The following KCNH1 variants were observed in gnomAD, a reference collection of about 807,000 sequenced individuals.
KCNH1 encodes the protein voltage-gated delayed rectifier potassium channel KCNH1.
Under a neutral mutation model 69.2 loss-of-function variants are expected in KCNH1, and 27 were observed. The observed-to-expected ratio is 0.39, with a 90% CI of 0.29 to 0.54. The LOEUF (loss-of-function observed/expected upper bound fraction) is 0.54. Among genes scored for constraint, KCNH1 ranks in the 20% least tolerant of loss-of-function variants. KCNH1 has a pLI of 0.68. For synonymous variants in KCNH1, 456 were observed against 487.7 expected (o/e 0.93, Z 0.86); for missense variants, 798 against 1,261.6 (o/e 0.63, Z 5.57).
chr1:210,753,909 A>ATT (rs397982788), intron 10 of KCNH1, among the ~76,000 whole-genome samples: 127 of 140,924 alleles, frequency 9.0e-4, no homozygotes, highest in Non-Finnish European at 1.3e-3. Flanking sequence ...TATCAGACTA[A>ATT]TTTTTTTTTT....
In KCNH1 at chr1:211,125,239, C is replaced by A. The variant is rs139133646; in HGVS notation, c.79+8628G>T. On this transcript the variant is annotated intron_variant, in intron 1 of 10. Coordinates refer to ENST00000271751, the MANE Select transcript of KCNH1 (RefSeq NM_172362.3). ...AGCCAAAAGCCAGAAAGCAAGGGAG[C>A]CTACAGGTGTACTCTATACAGGTCA... is the stretch of plus-strand genomic sequence containing the variant. Among the ~76,000 whole-genome samples the A allele has an allele frequency of 4.0e-4, 61 of 152,274 alleles. No individual in the cohort carries two copies. In the East Asian group the frequency reaches 0.012, roughly 29 times the overall value.
chr1:210,753,909 ATT>A (rs397982788), intron 10 of KCNH1, among the ~76,000 whole-genome samples: 9,789 of 140,834 alleles, frequency 0.07, 344 homozygotes, highest in Admixed American at 0.1. Flanking sequence ...TATCAGACTA[ATT>A]TTTTTTTTTT....
At chr1:210,729,358 A>C (rs1682686410) in intron 10 of KCNH1, among the ~76,000 whole-genome samples, 1 of 152,370 alleles carries the variant, frequency 6.6e-6, no homozygotes, top group East Asian at 1.9e-4. Context: ...TTCAAAACCA[A>C]AGGGAAGCTT....
At chr1:210,792,057 T>C (rs1684222332) in intron 9 of KCNH1, among the ~76,000 whole-genome samples, 1 of 152,212 alleles carries the variant, frequency 6.6e-6, no homozygotes, top group Non-Finnish European at 1.5e-5. Context: ...ATCTTCCCCA[T>C]GGCTCTTCCC....
chr1:210,718,022 G>A (rs9651108), intron 10 of KCNH1, among the ~76,000 whole-genome samples: 24,938 of 151,670 alleles, frequency 0.16, 2,688 homozygotes, highest in African/African-American at 0.3. Context: ...CCCGGGAATT[G>A]CTTGAACCCA....
intron 3 of KCNH1, among the ~76,000 whole-genome samples, chr1:211,094,705 T>C (rs1314255552): frequency 6.6e-6 from 1 of 152,090 alleles, no homozygotes. Flanking sequence ...AATGCTAAAT[T>C]TAAAAAAATA....
intron 6 of KCNH1, among the ~76,000 whole-genome samples, chr1:211,007,668 C>G (rs910276440): frequency 2.0e-5 from 3 of 152,204 alleles, no homozygotes; most frequent in Admixed American, 6.5e-5. Flanking sequence ...CAAGGCCCTT[C>G]AGCAGATCAT....
chr1:211,093,711 G>A (rs973834718), intron 3 of KCNH1, among the ~76,000 whole-genome samples: 4 of 152,090 alleles, frequency 2.6e-5, no homozygotes, highest in Non-Finnish European at 5.9e-5. Flanking sequence ...TAAATATGGG[G>A]GCTTTTTGAG....
At position 210,684,004 on chromosome 1, in the gene KCNH1, C is replaced by A; in HGVS notation, c.2247G>T (p.Glu749Asp). The A allele has an allele frequency of 1.3e-6, 2 of 1,597,668 alleles. No homozygotes were observed. The highest frequency in any genetic ancestry group is 8.6e-7 in the Non-Finnish European group (1 of 1,168,344). The part of the protein sequence containing the change: ...RLFQRFRQQK[E>D]ARLAAERGGR... The stretch of plus-strand genomic sequence containing the variant: ...CCCCTCTCTCAGCTGCCAGCCTGGC[C>A]TCTTTCTGCTGTCGGAATCTCTGGA... Residue 749 changes from glutamate (E) to aspartate (D), a missense_variant, in exon 11 of 11, where the codon GAG (glutamate) becomes GAT (aspartate). This residue lies in a region of KCNH1 where 331 missense variants were observed against 363.2 expected (regional missense o/e 0.91). Coordinates refer to ENST00000271751, the MANE Select transcript of KCNH1 (RefSeq NM_172362.3).
At chr1:210,984,429 T>C (rs755831222) in intron 6 of KCNH1, among the ~76,000 whole-genome samples, 9 of 152,240 alleles carry the variant, frequency 5.9e-5, no homozygotes, top group Admixed American at 3.9e-4. Context: ...ATAGCTCTTA[T>C]TATTTTGAGA....
intron 7 of KCNH1, among the ~76,000 whole-genome samples, chr1:210,829,348 C>T (rs1685109987): frequency 6.6e-6 from 1 of 152,094 alleles, no homozygotes; most frequent in South Asian, 2.1e-4. Context: ...TATTACATTC[C>T]CAGCGCTATT....
chr1:211,090,312 A>G (rs1183497880), intron 4 of KCNH1, among the ~76,000 whole-genome samples: 1 of 152,242 alleles, frequency 6.6e-6, no homozygotes, highest in East Asian at 1.9e-4. Context: ...CTGCCTAACT[A>G]ATATCAGAAA....
intron 6 of KCNH1, among the ~76,000 whole-genome samples, chr1:210,940,273 T>C (rs1687853756): frequency 1.3e-5 from 2 of 152,206 alleles, no homozygotes; most frequent in South Asian, 4.1e-4. Context: ...GGAAGACACA[T>C]GCCCTTATGT....
chr1:211,133,519 C>G lies in KCNH1; in HGVS notation c.79+348G>C, dbSNP rs1691915283. 1 of 172,104 alleles carries G rather than the reference C, an allele frequency of 5.8e-6. No homozygotes were observed. The highest frequency in any genetic ancestry group is 2.4e-5 in the African/African-American group (1 of 42,096). The allele number at this position is 172,104 out of a possible 1,614,324, so 10.7% of individuals were successfully genotyped here. A position where few individuals can be genotyped will look rare whatever the true frequency, so the allele number is the denominator to read the frequency against. On this transcript the variant is annotated intron_variant, in intron 1 of 10. Coordinates refer to ENST00000271751, the MANE Select transcript of KCNH1 (RefSeq NM_172362.3). This position sits in a 1 kb window ranked among gnomAD's most constrained non-coding sequence, Gnocchi z 5.4. ...GCCTTCGCGGAAGGGTGGGCAGTGC[C>G]GATGGGGCGCGCGCTGCCGCTCCGG...
chr1:210,978,334 G>C (rs557916719), intron 6 of KCNH1, among the ~76,000 whole-genome samples: 7 of 152,130 alleles, frequency 4.6e-5, no homozygotes, highest in African/African-American at 1.7e-4. Flanking sequence ...CACCGCGCCC[G>C]GCCTCCTTTA....
chr1:211,013,186 A>G (rs1308334968), intron 6 of KCNH1, among the ~76,000 whole-genome samples: 1 of 152,234 alleles, frequency 6.6e-6, no homozygotes, highest in East Asian at 1.9e-4. Context: ...ATAAGTTAAC[A>G]GGATAAGTAA....
At chr1:210,892,612 G>A (rs1421362729) in intron 7 of KCNH1, among the ~76,000 whole-genome samples, 2 of 152,072 alleles carry the variant, frequency 1.3e-5, no homozygotes, top group Non-Finnish European at 2.9e-5. Context: ...AAGTAATACA[G>A]GTTGAACTTT....
intron 6 of KCNH1, among the ~76,000 whole-genome samples, chr1:210,946,009 A>G (rs1351142682): frequency 6.6e-6 from 1 of 152,236 alleles, no homozygotes; most frequent in African/African-American, 2.4e-5. Context: ...CTGTGTCCTC[A>G]GCACCCAGAA....
intron 10 of KCNH1, among the ~76,000 whole-genome samples, chr1:210,714,112 T>C (rs1682151665): frequency 6.6e-6 from 1 of 151,870 alleles, no homozygotes; most frequent in African/African-American, 2.4e-5. Flanking sequence ...ATCTAGAGAG[T>C]ATGGAGAGAG....
Sources: gnomAD v4.1 joint callset for allele counts (sites outside exome capture counted in the v4.1 genomes callset) on GRCh38, gnomAD v4.1.1 for gene constraint, gnomAD v4.1.1 regional missense constraint, Gnocchi (gnomAD v3.1) non-coding constraint, MANE v1.5 for transcripts, NCBI Gene and HGNC (gene_info 2026-07-23, HGNC 2026-07-21) for gene names.